DPYD: variants seen among roughly 807,000 people sequenced by gnomAD.
The protein encoded by DPYD is dihydropyrimidine dehydrogenase [NADP(+)].
A neutral mutation model predicts 116.2 loss-of-function variants in DPYD; 109 were observed. That is an observed-to-expected ratio of 0.94 (90% CI 0.80 to 1.10). The LOEUF (loss-of-function observed/expected upper bound fraction) is 1.10. Ranked by LOEUF, DPYD falls within the 50% of genes least tolerant of loss-of-function variation. The pLI is 0.00. For synonymous variants in DPYD, 440 were observed against 432.0 expected (o/e 1.02, Z -0.23); for missense variants, 1,302 against 1,254.5 (o/e 1.04, Z -0.57).
chr1:97,757,677 T>G (rs1002253304), intron 3 of DPYD, among the ~76,000 whole-genome samples: 1 of 152,188 alleles, frequency 6.6e-6, no homozygotes, highest in African/African-American at 2.4e-5. Flanking sequence ...GTTAAGACTT[T>G]CCCCTTTTCA....
At chr1:97,262,061 T>A (rs1663924167) in intron 18 of DPYD, among the ~76,000 whole-genome samples, 1 of 151,966 alleles carries the variant, frequency 6.6e-6, no homozygotes, top group Non-Finnish European at 1.5e-5. Flanking sequence ...TCCTAGACCA[T>A]CCTCAATCAC....
intron 18 of DPYD, among the ~76,000 whole-genome samples, chr1:97,252,644 G>T (rs554099445): frequency 6.6e-6 from 1 of 152,224 alleles, no homozygotes; most frequent in South Asian, 2.1e-4. Flanking sequence ...AGTAACCTTT[G>T]CCAAAACCGC....
chr1:97,184,846 A>AT (rs536628985), intron 20 of DPYD, among the ~76,000 whole-genome samples: 126 of 152,108 alleles, frequency 8.3e-4, no homozygotes, highest in African/African-American at 2.8e-3. Context: ...GTGCAAGCCC[A>AT]TTTTTTTCCA....
At chr1:97,351,170 C>T (rs1670123760) in intron 16 of DPYD, among the ~76,000 whole-genome samples, 1 of 152,070 alleles carries the variant, frequency 6.6e-6, no homozygotes, top group African/African-American at 2.4e-5. Context: ...ATCTGTTCCT[C>T]CCTCTTCTCC....
rs183440192 is a variant in DPYD, at chr1:97,632,269, C to T, written c.851-37103G>A. On this transcript the variant is annotated intron_variant, in intron 8 of 22. Transcript: ENST00000370192. ...CTCTACAAGTTCAGCTGAAGTCGCA[C>T]ATGCTATACATCAAAGAGGAACATT... is the stretch of plus-strand genomic sequence containing the variant. Among the ~76,000 whole-genome samples, 7 of 152,196 alleles carry T rather than the reference C, an allele frequency of 4.6e-5. No individual in the cohort carries two copies. In the East Asian group the frequency reaches 1.4e-3, roughly 30 times the overall value.
At chr1:97,876,284 A>G (rs764889197) in intron 2 of DPYD, among the ~76,000 whole-genome samples, 1 of 151,930 alleles carries the variant, frequency 6.6e-6, no homozygotes, top group African/African-American at 2.4e-5. Flanking sequence ...TTGCTACTGA[A>G]GTTTAAACAC....
At chr1:97,228,145 GT>G (rs554575425) in intron 19 of DPYD, among the ~76,000 whole-genome samples, 53 of 140,854 alleles carry the variant, frequency 3.8e-4, no homozygotes, top group South Asian at 2.5e-3. Flanking sequence ...GACTTTAGTT[GT>G]TTTTTTTTTT....
At chr1:97,657,171 G>A (rs981493351) in intron 8 of DPYD, among the ~76,000 whole-genome samples, 2 of 151,752 alleles carry the variant, frequency 1.3e-5, no homozygotes, top group African/African-American at 4.8e-5. Context: ...GTTTCACCAC[G>A]TTGGCCAGGC....
chr1:97,895,259 G>C (rs1292651180), intron 1 of DPYD, among the ~76,000 whole-genome samples: 1 of 151,670 alleles, frequency 6.6e-6, no homozygotes, highest in Admixed American at 6.6e-5. Flanking sequence ...ATTTACAAAA[G>C]ACACTGCTCA....
intron 1 of DPYD, among the ~76,000 whole-genome samples, chr1:97,909,408 C>G: frequency 6.6e-6 from 1 of 152,052 alleles, no homozygotes; most frequent in East Asian, 1.9e-4. Flanking sequence ...AATATATGTA[C>G]CTGCTCTGTT....
intron 18 of DPYD, among the ~76,000 whole-genome samples, chr1:97,289,299 TC>T (rs1271185494): frequency 6.6e-6 from 1 of 151,856 alleles, no homozygotes; most frequent in Admixed American, 6.6e-5. Context: ...ACTATTCCAA[TC>T]AATAGAAAAA....
rs983435393 is a variant in DPYD at position 97,582,563 on chromosome 1, C to A, written c.1129-8593G>T. ...TTATTTTATTTTGAGTGGTGAAATGCAGAACAATTTTTATATGTTAATTAA... is the reference window on the plus strand; with the variant it reads ...TTATTTTATTTTGAGTGGTGAAATGAAGAACAATTTTTATATGTTAATTAA... On this transcript the variant is annotated intron_variant, in intron 10 of 22. Coordinates refer to ENST00000370192, the MANE Select transcript of DPYD (RefSeq NM_000110.4). Among the ~76,000 whole-genome samples the A allele has an allele frequency of 1.2e-4, 18 of 152,154 alleles. No individual in the cohort carries two copies. The South Asian group carries it at 1.2e-3, about 11-fold the overall frequency.
intron 1 of DPYD, among the ~76,000 whole-genome samples, chr1:97,917,727 G>A (rs1674285868): frequency 6.6e-6 from 1 of 152,120 alleles, no homozygotes; most frequent in Admixed American, 6.5e-5. Flanking sequence ...ACTTGGTTTG[G>A]CTACAAATAT....
At chr1:97,657,147 T>A (rs2100857400) in intron 8 of DPYD, among the ~76,000 whole-genome samples, 1 of 152,052 alleles carries the variant, frequency 6.6e-6, no homozygotes, top group South Asian at 2.1e-4. Flanking sequence ...TTTTGTATTT[T>A]TAGTAGAGAT....
chr1:97,445,902 T>C (rs1676059384), intron 14 of DPYD, among the ~76,000 whole-genome samples: 1 of 152,030 alleles, frequency 6.6e-6, no homozygotes, highest in Admixed American at 6.6e-5. Flanking sequence ...ATTTTTTGTA[T>C]TTTTAGTAGA....
intron 20 of DPYD, among the ~76,000 whole-genome samples, chr1:97,120,926 C>G (rs1013045882): frequency 6.6e-6 from 1 of 152,112 alleles, no homozygotes; most frequent in Non-Finnish European, 1.5e-5. Flanking sequence ...GATGCCTGAG[C>G]ATATTAGTCA....
intron 8 of DPYD, among the ~76,000 whole-genome samples, chr1:97,656,552 T>C (rs934164162): frequency 1.1e-4 from 17 of 152,280 alleles, no homozygotes; most frequent in African/African-American, 3.6e-4. Flanking sequence ...TTGGGTCTGC[T>C]AAGTCCAACC....
chr1:97,676,090 T>A (rs1660129193), intron 8 of DPYD, among the ~76,000 whole-genome samples: 1 of 152,138 alleles, frequency 6.6e-6, no homozygotes, highest in South Asian at 2.1e-4. Context: ...CCAACATGTA[T>A]GCACCAGGTA....
At chr1:97,644,596 C>T (rs1658139296) in intron 8 of DPYD, among the ~76,000 whole-genome samples, 1 of 150,586 alleles carries the variant, frequency 6.6e-6, no homozygotes, top group Non-Finnish European at 1.5e-5. Context: ...ACACAGCTAG[C>T]TTGTTTTTTG....
Sources: gnomAD v4.1 joint callset for allele counts (sites outside exome capture counted in the v4.1 genomes callset) on GRCh38, gnomAD v4.1.1 for gene constraint, MANE v1.5 for transcripts, NCBI Gene and HGNC (gene_info 2026-07-23, HGNC 2026-07-21) for gene names.